DNAH2: variants seen among roughly 807,000 people sequenced by gnomAD.
The protein encoded by DNAH2 is axonemal beta dynein heavy chain 2.
A neutral mutation model predicts 523.5 loss-of-function variants in DNAH2; 323 were observed. The observed-to-expected ratio is 0.62, with a 90% confidence interval of 0.56 to 0.68. DNAH2 has a LOEUF of 0.68. DNAH2 is among the 30% of genes least tolerant of loss of function. DNAH2 has a pLI of 0.00. For synonymous variants in DNAH2, 2,093 were observed against 2,177.4 expected (o/e 0.96, Z 1.08); for missense variants, 4,907 against 5,701.5 (o/e 0.86, Z 4.49).
At position 7,830,658 on chromosome 17, in the gene DNAH2, G is replaced by A. The variant is rs752623076; in HGVS notation, c.12046G>A (p.Val4016Met). 4 of 1,614,138 alleles carry A rather than the reference G, an allele frequency of 2.5e-6. No individual in the cohort carries two copies. Among genetic ancestry groups the A allele is most frequent in the South Asian group, 2.2e-5 (2 of 91,090 alleles). Residue 4016 changes from valine (V) to methionine (M), a missense_variant and splice_region_variant, in exon 79 of 86, where the codon GTG becomes ATG. Val to Met is a conservative substitution (Grantham distance 21). Coordinates refer to ENST00000572933, the MANE Select transcript of DNAH2 (RefSeq NM_020877.5). ...GGGCTTGGGCTGGGATCATGCCTAG[G>A]TGTCAGAAAACTTGCTGAGCCTCTA... ...IYGFNDSDFE[V>M]SENLLSLYLD...
rs753748094 is a variant in DNAH2, at chr17:7,781,084, A to G, written c.6046A>G (p.Thr2016Ala). Residue 2016 changes from threonine (T) to alanine (A), a missense_variant, in exon 39 of 86, where the codon ACT becomes GCT. Thr to Ala is a moderately conservative substitution (Grantham distance 58). Around this residue, in one of 3 missense-constraint regions of DNAH2, gnomAD observed 2,806 missense variants for 3,190.8 expected, o/e 0.88. Transcript: ENST00000572933. ...GAGAGATATGAACATCGCCAAGCTC[A>G]CTTCAGTTGATGCACCCCTGTTCAA... is the stretch of plus-strand genomic sequence containing the variant. ...SMRDMNIAKL[T>A]SVDAPLFNAI... 1.2e-6 allele frequency: 2 copies of G among 1,614,204 alleles called. No homozygotes were observed. Among genetic ancestry groups the G allele is most frequent in the East Asian group, 2.2e-5 (1 of 44,892 alleles).
At chr17:7,820,605 G>A (rs991051502) in intron 72 of DNAH2, among the ~76,000 whole-genome samples, 4 of 152,174 alleles carry the variant, frequency 2.6e-5, no homozygotes, top group South Asian at 4.1e-4. Flanking sequence ...CAGCAGGCAG[G>A]GACATCATAA....
chr17:7,786,700 T>C lies in DNAH2; in HGVS notation c.6466+13T>C. 6.2e-7 allele frequency: 1 copy of C among 1,613,218 alleles called. No individual in the cohort carries two copies. Among genetic ancestry groups the C allele is most frequent in the Middle Eastern group, 1.7e-4 (1 of 5,904 alleles). ...ACGGCATGTGCAGGTATCCAGAGGA[T>C]CGTGGGGTGTGGAGAGCAGACGCCT... On this transcript the variant is annotated intron_variant, in intron 41 of 85. Coordinates refer to ENST00000572933, the MANE Select transcript of DNAH2 (RefSeq NM_020877.5). This position sits in a 1 kb window ranked among gnomAD's most constrained non-coding sequence, Gnocchi z 7.5.
At chr17:7,815,885 T>C (rs1416358226) in intron 63 of DNAH2, among the ~76,000 whole-genome samples, 1 of 152,202 alleles carries the variant, frequency 6.6e-6, no homozygotes, top group Non-Finnish European at 1.5e-5. Flanking sequence ...GGGGTTTCTC[T>C]AGTATACACA....
At chr17:7,809,491 C>T (rs2077453735) in intron 63 of DNAH2, among the ~76,000 whole-genome samples, 1 of 152,206 alleles carries the variant, frequency 6.6e-6, no homozygotes, top group Admixed American at 6.5e-5. Flanking sequence ...ACCACCGCCA[C>T]CTCCCAACCT....
In DNAH2 at chr17:7,796,676, C is replaced by T. The variant is rs759841585; in HGVS notation, c.7863+24C>T. On this transcript the variant is annotated intron_variant, in intron 50 of 85. Transcript: ENST00000572933. ...AGGTGACTCGCGGCCTGACCTTGCC[C>T]CTTCTGCTTGGCCCAGCCTCCGCGG... is the stretch of plus-strand genomic sequence containing the variant. The T allele has an allele frequency of 1.3e-5, 21 of 1,599,608 alleles. No individual in the cohort carries two copies. In the Admixed American group the frequency reaches 2.9e-4, roughly 22 times the overall value.
chr17:7,749,331 A>C (rs1567636939), intron 12 of DNAH2, among the ~76,000 whole-genome samples: 18 of 144,868 alleles, frequency 1.2e-4, no homozygotes, highest in East Asian at 4.0e-4. Context: ...AAAAAAAAAA[A>C]AAAAAAAAAA....
chr17:7,746,388 A>G (rs1384933290), intron 12 of DNAH2, among the ~76,000 whole-genome samples: 1 of 152,194 alleles, frequency 6.6e-6, no homozygotes, highest in Non-Finnish European at 1.5e-5. Context: ...CCTTTTTTGC[A>G]TAAATAGTAG....
In DNAH2 at chr17:7,798,183, C is replaced by T; in HGVS notation, c.8257C>T (p.Gln2753Ter). ...HITRIVRVIG[Q>*]PRGNMLLVGI... Reference sequence around the variant, plus strand: ...CACACGGATCGTGCGGGTCATTGGACAGCCTCGGGGCAACATGCTCCTGGT... The same window carrying T: ...CACACGGATCGTGCGGGTCATTGGATAGCCTCGGGGCAACATGCTCCTGGT... The change falls in exon 54 of 86, where the codon CAG becomes TAG. Residue 2753 changes from glutamine to a stop codon, truncating the protein, a stop_gained. Coordinates refer to ENST00000572933, the MANE Select transcript of DNAH2 (RefSeq NM_020877.5). LOFTEE classifies it high-confidence loss of function. The surrounding 1 kb of genome is among the most constrained non-coding windows in gnomAD (Gnocchi z 5.5). The T allele has an allele frequency of 1.2e-6, 2 of 1,607,552 alleles. No homozygotes were observed. The highest frequency in any genetic ancestry group is 8.5e-7 in the Non-Finnish European group (1 of 1,174,908).
At chr17:7,825,638 AAG>A (rs2077997625) in intron 77 of DNAH2, among the ~76,000 whole-genome samples, 2 of 152,322 alleles carry the variant, frequency 1.3e-5, no homozygotes, top group East Asian at 3.9e-4. Context: ...GGGAGGGCCA[AAG>A]AGGGGAGGGA....
Position 7,823,891 on chromosome 17 carries a change from G to T in DNAH2, c.11387G>T (p.Arg3796Leu), listed in dbSNP as rs772038292. 6.2e-7 allele frequency: 1 copy of T among 1,614,080 alleles called. No homozygotes were observed. The highest frequency in any genetic ancestry group is 2.2e-5 in the East Asian group (1 of 44,878). ...CGGATGCTGATCGTTCGCTCCCTGC[G>T]CCAGGACCGCGTGGCCTTCTGCGTG... The part of the protein sequence containing the change: ...MQRMLIVRSL[R>L]QDRVAFCVTS... The change falls in exon 75 of 86, where the codon CGC becomes CTC. Residue 3796 changes from arginine to leucine, a missense_variant. Around this residue, in one of 3 missense-constraint regions of DNAH2, gnomAD observed 1,851 missense variants for 2,139.4 expected, o/e 0.87. Transcript: ENST00000572933.
At chr17:7,808,066 T>A (rs2151305119) in intron 63 of DNAH2, among the ~76,000 whole-genome samples, 1 of 152,182 alleles carries the variant, frequency 6.6e-6, no homozygotes, top group Non-Finnish European at 1.5e-5. Context: ...ACCCAGGCGA[T>A]CTCCTGCAAG....
At chr17:7,789,416 G>A (rs76607335) in intron 44 of DNAH2, among the ~76,000 whole-genome samples, 1,865 of 152,010 alleles carry the variant, frequency 0.012, 31 homozygotes, top group African/African-American at 0.041. Flanking sequence ...GTGTAGATGC[G>A]CTTCAGCGTG....
rs748119216 is a variant in DNAH2, at chr17:7,780,709, T to C, written c.5930T>C (p.Leu1977Pro). The C allele has an allele frequency of 1.2e-6, 2 of 1,614,250 alleles. No individual in the cohort carries two copies. Among genetic ancestry groups the C allele is most frequent in the Non-Finnish European group, 1.7e-6 (2 of 1,180,046 alleles). Residue 1977 changes from leucine (L) to proline (P), a missense_variant, in exon 38 of 86, where the codon CTG becomes CCG. Coordinates refer to ENST00000572933, the MANE Select transcript of DNAH2 (RefSeq NM_020877.5). The surrounding 1 kb of genome is among the most constrained non-coding windows in gnomAD (Gnocchi z 4.4). Reference protein sequence around the residue: ...LSRQDHYDFGLRALTSLLRYA... With the variant: ...LSRQDHYDFGPRALTSLLRYA... The stretch of plus-strand genomic sequence containing the variant: ...AGACAGGACCACTATGACTTTGGCC[T>C]GCGTGCCCTCACCTCCCTTCTGCGC...
At chr17:7,804,867 A>G (rs2077324372) in intron 59 of DNAH2, 91 bp from the exon 60 acceptor site, 10 of 1,149,778 alleles carry the variant, frequency 8.7e-6, no homozygotes, top group African/African-American at 1.6e-5. Flanking sequence ...AAAATTCTTT[A>G]GCTTTCTCTT....
chr17:7,833,179 A>G lies in DNAH2; in HGVS notation c.13087A>G (p.Ile4363Val). 6.2e-7 allele frequency: 1 copy of G among 1,609,096 alleles called. No homozygotes were observed. Among genetic ancestry groups the G allele is most frequent in the Non-Finnish European group, 8.5e-7 (1 of 1,179,996 alleles). Residue 4363 changes from isoleucine (I) to valine (V), a missense_variant, in exon 85 of 86, where the codon ATC (isoleucine) becomes GTC (valine). Coordinates refer to ENST00000572933, the MANE Select transcript of DNAH2 (RefSeq NM_020877.5). ...GCAGCTTGTCTGCCTCATGCCCACGATCCACTTCCGGCCTGCAGAGAGCCG... is the reference window on the plus strand; with the variant it reads ...GCAGCTTGTCTGCCTCATGCCCACGGTCCACTTCCGGCCTGCAGAGAGCCG... ...PMQLVCLMPTIHFRPAESRKK... is the reference protein window; with the variant it reads ...PMQLVCLMPTVHFRPAESRKK...
chr17:7,794,409 G>A lies in DNAH2; in HGVS notation c.7674+51G>A, dbSNP rs144871514. 1.6e-3 allele frequency: 2,418 copies of A among 1,522,418 alleles called. 27 individuals are homozygous for A. The African/African-American group carries it at 0.025, about 16-fold the overall frequency. 94.3% of individuals were successfully genotyped at this position (1,522,418 alleles called of 1,614,324 possible). A position where few individuals can be genotyped will look rare whatever the true frequency, so the allele number is the denominator to read the frequency against. The stretch of plus-strand genomic sequence containing the variant: ...ACGAGGGGAGGGTAGGAGGTGAAAC[G>A]TGTCTGTCTCAGAGAAGCAGGGGCC... On this transcript the variant is annotated intron_variant, in intron 49 of 85. Coordinates refer to ENST00000572933, the MANE Select transcript of DNAH2 (RefSeq NM_020877.5).
rs1040122553 is a variant in DNAH2, at chr17:7,828,549, C to A, written c.11854-1751C>A. Among the ~76,000 whole-genome samples, 5 of 152,092 alleles carry A rather than the reference C, an allele frequency of 3.3e-5. No homozygotes were observed. Among genetic ancestry groups the A allele is most frequent in the Admixed American group, 1.3e-4 (2 of 15,280 alleles). Reference sequence around the variant, plus strand: ...CAATGGGATTGCGGGTGGCATGAGCCACTGTTCCCAGCCTCCATTTATTAT... The same window carrying A: ...CAATGGGATTGCGGGTGGCATGAGCAACTGTTCCCAGCCTCCATTTATTAT... On this transcript the variant is annotated intron_variant, in intron 77 of 85. Coordinates refer to ENST00000572933, the MANE Select transcript of DNAH2 (RefSeq NM_020877.5). The surrounding 1 kb of genome is among the most constrained non-coding windows in gnomAD (Gnocchi z 4.1).
chr17:7,726,978 G>T, intron 3 of DNAH2, 144 bp from the exon 4 acceptor site: 1 of 786,118 alleles, frequency 1.3e-6, no homozygotes, highest in South Asian at 2.8e-5. Context: ...TCCAAAGCTG[G>T]AAAGCTATCT....
Sources: allele counts gnomAD v4.1 joint callset (sites outside exome capture counted in the v4.1 genomes callset), GRCh38; gene constraint gnomAD v4.1.1; regional missense constraint gnomAD v4.1.1; non-coding constraint Gnocchi (gnomAD v3.1); transcripts MANE v1.5; gene names NCBI Gene and HGNC (gene_info 2026-07-23, HGNC 2026-07-21).